UBXN11: variants seen among roughly 807,000 people sequenced by gnomAD.
The protein encoded by UBXN11 is UBX domain protein 11.
A neutral mutation model predicts 62.8 loss-of-function variants in UBXN11; 47 were observed. That is an observed-to-expected ratio of 0.75 (90% CI 0.59 to 0.95). The LOEUF is 0.95. Among genes scored for constraint, UBXN11 ranks in the 40% least tolerant of loss-of-function variants. The pLI, the probability that UBXN11 is intolerant of heterozygous loss-of-function variation, is 0.00. For synonymous variants in UBXN11, 294 were observed against 267.0 expected (o/e 1.10, Z -0.99); for missense variants, 638 against 661.7 (o/e 0.96, Z 0.39).
At chr1:26,318,300 C>T (rs1424405192) in exon 1 of UBXN11, 1 of 537,836 alleles carries the variant, frequency 1.9e-6, no homozygotes, top group Non-Finnish European at 3.3e-6. Flanking sequence ...CCTGTATCCA[C>T]AGCTGGGGAG....
At position 26,284,500 on chromosome 1, in the gene UBXN11, C is replaced by A; in HGVS notation, c.853-18G>T. ...TCACTCACCTGGCAAGAAAGAAGGG[C>A]AACGACGGCAGCGGACCCAGCTCTT... On this transcript the variant is annotated intron_variant, in intron 10 of 14. Transcript: ENST00000374222. 1.3e-6 allele frequency: 2 copies of A among 1,577,600 alleles called. No homozygotes were observed. The highest frequency in any genetic ancestry group is 1.8e-5 in the Admixed American group (1 of 56,688).
intron 8 of UBXN11, among the ~76,000 whole-genome samples, chr1:26,292,567 T>C (rs1280176812): frequency 6.6e-6 from 1 of 150,508 alleles, no homozygotes; most frequent in African/African-American, 2.4e-5. Flanking sequence ...CTTTGAAAGC[T>C]GCAAATGGCT....
At chr1:26,315,959 C>CTTT (rs1415230325) in intron 1 of UBXN11, among the ~76,000 whole-genome samples, 7 of 43,822 alleles carry the variant, frequency 1.6e-4, no homozygotes, top group Non-Finnish European at 1.8e-4. Context: ...TGTTTCCTGG[C>CTTT]CTTTTTTTTT....
At chr1:26,311,196 G>A (rs1427963996), upstream of UBXN11, among the ~76,000 whole-genome samples, 3 of 149,650 alleles carry the variant, frequency 2.0e-5, no homozygotes, top group Non-Finnish European at 4.4e-5. Flanking sequence ...CTGGAGTGCA[G>A]TGACGTGATC....
chr1:26,285,802 C>G (rs758184149), intron 9 of UBXN11, 21 bp downstream of exon 9: 7 of 1,575,894 alleles, frequency 4.4e-6, no homozygotes, highest in African/African-American at 1.3e-5. Context: ...AGAGCACCAC[C>G]CCCCCCAACA....
intron 8 of UBXN11, among the ~76,000 whole-genome samples, chr1:26,290,726 G>A (rs2073241685): frequency 6.6e-6 from 1 of 152,010 alleles, no homozygotes; most frequent in South Asian, 2.1e-4. Flanking sequence ...TGGAGCCATG[G>A]AGGGAGGCAG....
rs1016257278 is a variant in UBXN11 at position 26,284,659 on chromosome 1, C to G, written c.853-177G>C. 16 of 1,373,116 alleles carry G rather than the reference C, an allele frequency of 1.2e-5. No individual in the cohort carries two copies. In the African/African-American group the frequency reaches 1.8e-4, roughly 16 times the overall value. 85.1% of individuals were successfully genotyped at this position (1,373,116 alleles called of 1,614,324 possible). A position where few individuals can be genotyped will look rare whatever the true frequency, so the allele number is the denominator to read the frequency against. ...CGGTTCGTACTGCTGTCATCTCCCT[C>G]AGCCCTGCTGCTCCTGTAAGCACCC... On this transcript the variant is annotated intron_variant, in intron 10 of 14. Coordinates refer to ENST00000374222, the MANE Select transcript of UBXN11 (RefSeq NM_001389556.1).
At chr1:26,309,245 A>C (rs1478033818), upstream of UBXN11, among the ~76,000 whole-genome samples, 38 of 112,534 alleles carry the variant, frequency 3.4e-4, no homozygotes, top group Middle Eastern at 6.7e-3. Context: ...GAGTCAATTG[A>C]TTTTTTTTTT....
chr1:26,308,443 G>A (rs1385798993), upstream of UBXN11, among the ~76,000 whole-genome samples: 2 of 152,112 alleles, frequency 1.3e-5, no homozygotes, highest in Non-Finnish European at 2.9e-5. Context: ...TGGTAAACAA[G>A]GCAGGCATAG....
intron 12 of UBXN11, 73 bp downstream of exon 12, chr1:26,284,069 G>T: frequency 1.4e-6 from 2 of 1,448,750 alleles, no homozygotes; most frequent in Non-Finnish European, 1.9e-6. Flanking sequence ...ACAAGACACT[G>T]TTCTGGCAGG....
intron 1 of UBXN11, among the ~76,000 whole-genome samples, chr1:26,317,236 CA>C (rs2073804957): frequency 6.6e-6 from 1 of 150,522 alleles, no homozygotes. Context: ...AAAAAAAAAA[CA>C]AAAAAACCAA....
chr1:26,299,337 C>T (rs975899169), intron 4 of UBXN11, among the ~76,000 whole-genome samples: 1 of 151,766 alleles, frequency 6.6e-6, no homozygotes, highest in Non-Finnish European at 1.5e-5. Context: ...CATAGAGAAA[C>T]CCTGTCTCTA....
chr1:26,301,887 G>A (rs2073546491), intron 2 of UBXN11, among the ~76,000 whole-genome samples, 165 bp from the exon 3 acceptor site: 1 of 152,178 alleles, frequency 6.6e-6, no homozygotes, highest in South Asian at 2.1e-4. Context: ...CCAGCCTGGG[G>A]TGAGACAAGG....
chr1:26,318,170 C>T, exon 1 of UBXN11: 3 of 1,010,062 alleles, frequency 3.0e-6, no homozygotes, highest in Non-Finnish European at 4.7e-6. Context: ...CCAGCCTTCT[C>T]TCCTGAGAGC....
At chr1:26,318,049 T>C in exon 1 of UBXN11, 1 of 1,614,150 alleles carries the variant, frequency 6.2e-7, no homozygotes, top group Non-Finnish European at 8.5e-7. Context: ...CTACTCACCA[T>C]CAGCCTCCTG....
chr1:26,305,995 ATCT>A (rs776955421), intron 1 of UBXN11, among the ~76,000 whole-genome samples: 5 of 152,318 alleles, frequency 3.3e-5, no homozygotes, highest in Non-Finnish European at 1.5e-5. Flanking sequence ...CTCCAGGTTA[ATCT>A]TCTCCCAGAT....
At chr1:26,283,323 A>G (rs900888839) in intron 12 of UBXN11, among the ~76,000 whole-genome samples, 32 of 152,220 alleles carry the variant, frequency 2.1e-4, no homozygotes, top group African/African-American at 7.7e-4. Context: ...GACAGCATCA[A>G]CAAAGATCCT....
At chr1:26,283,765 A>T (rs2073058021) in intron 12 of UBXN11, among the ~76,000 whole-genome samples, 1 of 152,156 alleles carries the variant, frequency 6.6e-6, no homozygotes, top group Admixed American at 6.5e-5. Context: ...GTGGACACCT[A>T]GGAGGAGAAG....
In UBXN11 at chr1:26,282,498, G is replaced by C. The variant is rs367697574; in HGVS notation, c.1364C>G (p.Thr455Arg). ...PPTLYQDDTL[T>R]LQAAGLVPKA... The stretch of plus-strand genomic sequence containing the variant: ...GGGCACAAGGCCTGCAGCCTGCAGC[G>C]TGAGTGTATCGTCCTGGTAGAGGGT... The change falls in exon 15 of 15, where the codon ACG becomes AGG. Residue 455 changes from threonine to arginine, a missense_variant. By Grantham distance (71) the Thr-to-Arg change is moderately conservative. Coordinates refer to ENST00000374222, the MANE Select transcript of UBXN11 (RefSeq NM_001389556.1). The C allele has an allele frequency of 7.5e-6, 12 of 1,606,052 alleles. No individual in the cohort carries two copies. The African/African-American group carries it at 1.3e-4, about 18-fold the overall frequency.
Sources: allele counts gnomAD v4.1 joint callset (sites outside exome capture counted in the v4.1 genomes callset), GRCh38; gene constraint gnomAD v4.1.1; transcripts MANE v1.5; gene names NCBI Gene and HGNC (gene_info 2026-07-23, HGNC 2026-07-21).